The following CFAP54 variants were observed in gnomAD, a reference collection of about 807,000 sequenced individuals.
The protein encoded by CFAP54 is cilia- and flagella-associated protein 54.
In CFAP54, 290 loss-of-function variants were observed where a neutral mutation model predicts 370.4. That is an observed-to-expected ratio of 0.78 (90% confidence interval 0.71 to 0.86). The LOEUF is 0.86. Ranked by LOEUF, CFAP54 falls within the 40% of genes least tolerant of loss-of-function variation. The pLI, the probability that CFAP54 is intolerant of heterozygous loss-of-function variation, is 0.00. For synonymous variants in CFAP54, 1,206 were observed against 1,236.5 expected (o/e 0.98, Z 0.52); for missense variants, 3,399 against 3,528.7 (o/e 0.96, Z 0.93).
intron 45 of CFAP54, among the ~76,000 whole-genome samples, chr12:96,698,333 A>G (rs1252837795): frequency 1.3e-5 from 2 of 152,206 alleles, no homozygotes; most frequent in African/African-American, 4.8e-5. Context: ...ATTTTAAAAT[A>G]TATGTATTTA....
intron 14 of CFAP54, among the ~76,000 whole-genome samples, chr12:96,544,853 G>A (rs541946235): frequency 6.6e-6 from 1 of 152,012 alleles, no homozygotes; most frequent in Non-Finnish European, 1.5e-5. Context: ...TGTCTGAGGT[G>A]GCACAGAGCA....
intron 60 of CFAP54, among the ~76,000 whole-genome samples, chr12:96,778,873 T>C (rs1054042358): frequency 6.6e-6 from 1 of 152,064 alleles, no homozygotes; most frequent in Non-Finnish European, 1.5e-5. Flanking sequence ...ATTGGGAGTC[T>C]GAGGTGGGTG....
chr12:96,570,780 A>T (rs1164009783), intron 19 of CFAP54, among the ~76,000 whole-genome samples: 1 of 152,206 alleles, frequency 6.6e-6, no homozygotes, highest in Non-Finnish European at 1.5e-5. Flanking sequence ...CAGTTTTGTC[A>T]TATCAGAACT....
chr12:96,670,908 T>C, intron 39 of CFAP54, among the ~76,000 whole-genome samples: 1 of 152,228 alleles, frequency 6.6e-6, no homozygotes, highest in East Asian at 1.9e-4. Flanking sequence ...ACTAATGAGC[T>C]CATCATCTTC....
intron 60 of CFAP54, among the ~76,000 whole-genome samples, chr12:96,783,053 A>C (rs1013950505): frequency 6.6e-5 from 10 of 152,204 alleles, no homozygotes; most frequent in Non-Finnish European, 1.5e-4. Flanking sequence ...ACAATGTTTA[A>C]AGGAAAAAGA....
chr12:96,679,534 T>G lies in CFAP54; in HGVS notation c.5564-66T>G, dbSNP rs950230923. On this transcript the variant is annotated intron_variant, in intron 39 of 67. Coordinates refer to ENST00000524981, the MANE Select transcript of CFAP54 (RefSeq NM_001306084.2). ...CAAGAAATTCTCTGAATTATAAACT[T>G]GCTGGCTCTTACCTTGGCTTGGTGC... 2.7e-6 allele frequency: 4 copies of G among 1,489,564 alleles called. No individual in the cohort carries two copies. In the African/African-American group the frequency reaches 4.2e-5, roughly 16 times the overall value. The allele number at this position is 1,489,564 out of a possible 1,614,324, so 92.3% of individuals were successfully genotyped here.
chr12:96,534,029 T>C (rs1955474523), intron 10 of CFAP54, 33 bp from the exon 11 acceptor site: 3 of 1,500,366 alleles, frequency 2.0e-6, no homozygotes, highest in Non-Finnish European at 2.6e-6. Context: ...GACATCCAAT[T>C]ACTAATTAAC....
intron 39 of CFAP54, among the ~76,000 whole-genome samples, chr12:96,677,854 C>T (rs1431339425): frequency 6.6e-6 from 1 of 152,096 alleles, no homozygotes; most frequent in Admixed American, 6.5e-5. Context: ...GTCTCTGTGG[C>T]CACAGAAAGT....
At chr12:96,756,425 A>T in intron 56 of CFAP54, 33 bp from the exon 57 acceptor site, 1 of 1,339,670 alleles carries the variant, frequency 7.5e-7, no homozygotes, top group Non-Finnish European at 1.0e-6. Flanking sequence ...TAGAAAAAGG[A>T]AAAACCATCT....
chr12:96,829,734 T>C (rs1345213789), intron 66 of CFAP54, among the ~76,000 whole-genome samples: 1 of 151,738 alleles, frequency 6.6e-6, no homozygotes, highest in African/African-American at 2.4e-5. Flanking sequence ...AAATTTAAAG[T>C]TTTAACCATT....
intron 15 of CFAP54, among the ~76,000 whole-genome samples, chr12:96,551,045 G>A (rs1307068462): frequency 6.6e-6 from 1 of 152,136 alleles, no homozygotes; most frequent in African/African-American, 2.4e-5. Context: ...AAGGTGGGTG[G>A]ATCGCTTGAG....
At chr12:96,523,445 A>G (rs540454467) in intron 8 of CFAP54, among the ~76,000 whole-genome samples, 3 of 152,168 alleles carry the variant, frequency 2.0e-5, no homozygotes, top group Non-Finnish European at 2.9e-5. Context: ...ATGAATTACT[A>G]TATTTAAATA....
chr12:96,827,033 T>A (rs1461347406), intron 65 of CFAP54, among the ~76,000 whole-genome samples: 2,325 of 127,860 alleles, frequency 0.018, 34 homozygotes, highest in African/African-American at 0.06. Context: ...TATGTGATTA[T>A]ATATAATATG....
intron 60 of CFAP54, among the ~76,000 whole-genome samples, chr12:96,765,554 C>G (rs2136672660): frequency 6.6e-6 from 1 of 152,294 alleles, no homozygotes; most frequent in East Asian, 1.9e-4. Context: ...TCTACATGCA[C>G]TCTCCCACTC....
chr12:96,686,564 C>T (rs1181682155), intron 42 of CFAP54, among the ~76,000 whole-genome samples: 4 of 152,064 alleles, frequency 2.6e-5, no homozygotes, highest in African/African-American at 7.2e-5. Flanking sequence ...TATGGGAGCC[C>T]GCATCTCACA....
At chr12:96,867,726 G>T (rs536821645) in intron 67 of CFAP54, among the ~76,000 whole-genome samples, 4 of 152,316 alleles carry the variant, frequency 2.6e-5, no homozygotes, top group African/African-American at 9.6e-5. Flanking sequence ...CGTAGAAGCA[G>T]AGAGTAGTTA....
At chr12:96,651,909 TCTCA>T in intron 36 of CFAP54, 94 bp downstream of exon 36, 1 of 783,426 alleles carries the variant, frequency 1.3e-6, no homozygotes, top group Non-Finnish European at 2.0e-6. Flanking sequence ...TTTTTTTATT[TCTCA>T]TTTGGTTTGT....
intron 14 of CFAP54, among the ~76,000 whole-genome samples, chr12:96,541,741 G>T (rs757478101): frequency 6.6e-6 from 1 of 152,112 alleles, no homozygotes; most frequent in African/African-American, 2.4e-5. Context: ...GTGTTGAATG[G>T]ATCAGTGTCA....
intron 64 of CFAP54, 77 bp from the exon 65 acceptor site, chr12:96,817,698 G>T (rs1301626258): frequency 6.3e-6 from 6 of 945,364 alleles, no homozygotes; most frequent in Non-Finnish European, 8.6e-6. Flanking sequence ...GGGATTACAG[G>T]CGTGAGCCAC....
Sources: allele counts gnomAD v4.1 joint callset (sites outside exome capture counted in the v4.1 genomes callset), GRCh38; gene constraint gnomAD v4.1.1; transcripts MANE v1.5; gene names NCBI Gene and HGNC (gene_info 2026-07-23, HGNC 2026-07-21).